Variants in RTCB observed in about 807,000 individuals in gnomAD.
The protein encoded by RTCB is RNA-splicing ligase RTCB.
A neutral mutation model predicts 58.2 loss-of-function variants in RTCB; 32 were observed. The ratio of observed to expected loss-of-function variants is 0.55; its 90% confidence interval spans 0.41 to 0.74. RTCB has a LOEUF of 0.74. Among genes scored for constraint, RTCB ranks in the 30% least tolerant of loss-of-function variants. The probability of loss-of-function intolerance (pLI) is 0.00; values close to 1 mark genes in which losing one functional copy is unlikely to be tolerated. For missense variants in RTCB, 523 were observed against 639.0 expected, an observed-to-expected ratio of 0.82 and a Z score of 1.96; for synonymous variants, 247 against 218.6, an observed-to-expected ratio of 1.13 and a Z score of -1.15.
chr22:32,410,704 G>A (rs574024829), intron 1 of RTCB, among the ~76,000 whole-genome samples: 6 of 146,560 alleles, frequency 4.1e-5, no homozygotes, highest in African/African-American at 1.5e-4. Flanking sequence ...TCATGTCATG[G>A]TGTTTTCTTT....
intron 6 of RTCB, 136 bp from the exon 7 acceptor site, chr22:32,398,236 T>A (rs1933278141): frequency 1.1e-6 from 1 of 951,918 alleles, no homozygotes; most frequent in Admixed American, 2.7e-5. Context: ...AAAAAATTCC[T>A]AAGCTATAGA....
intron 7 of RTCB, among the ~76,000 whole-genome samples, chr22:32,396,621 C>A (rs1191826445): frequency 1.3e-5 from 2 of 152,198 alleles, no homozygotes; most frequent in East Asian, 1.9e-4. Flanking sequence ...AAATCCATGA[C>A]AAAATGCAGA....
rs112751629 is a variant in RTCB, at chr22:32,387,628, C to T, written c.*364G>A. ...ACAGAACTTTCTTCATGACACCTCTCGGAATGTAAACAGAGCTTGGTGTGA... is the reference window on the plus strand; with the variant it reads ...ACAGAACTTTCTTCATGACACCTCTTGGAATGTAAACAGAGCTTGGTGTGA... On this transcript the variant is annotated 3_prime_UTR_variant, in exon 12 of 12. Transcript: ENST00000216038. The T allele has an allele frequency of 5.8e-4, 118 of 204,826 alleles. No homozygotes were observed. Among genetic ancestry groups the T allele is most frequent in the African/African-American group, 2.2e-3 (95 of 43,964 alleles). 12.7% of individuals were successfully genotyped at this position (204,826 alleles called of 1,614,324 possible).
At chr22:32,408,622 C>T (rs1933467598) in intron 2 of RTCB, 133 bp downstream of exon 2, 5 of 688,136 alleles carry the variant, frequency 7.3e-6, no homozygotes, top group South Asian at 1.8e-5. Context: ...TAAGTAAGTG[C>T]TTTTGGTCTT....
At chr22:32,410,678 T>C (rs530861108) in intron 1 of RTCB, among the ~76,000 whole-genome samples, 47 of 152,102 alleles carry the variant, frequency 3.1e-4, no homozygotes, top group African/African-American at 1.1e-3. Context: ...TCTGTGTTAT[T>C]AGATCCTACA....
In RTCB at chr22:32,408,951, C is replaced by T. The variant is rs9621437; in HGVS notation, c.94-118G>A. 5,784 of 726,842 alleles carry T rather than the reference C, an allele frequency of 8.0e-3. 161 individuals are homozygous for T. Among genetic ancestry groups the T allele is most frequent in the African/African-American group, 0.075 (4,245 of 56,842 alleles). 45.0% of individuals were successfully genotyped at this position (726,842 alleles called of 1,614,324 possible). A position where few individuals can be genotyped will look rare whatever the true frequency, so the allele number is the denominator to read the frequency against. ...CTTTACTCTTTACCAAACACTTTCACGTTACCTTAAGCACACAGAAAACTT... is the reference window on the plus strand; with the variant it reads ...CTTTACTCTTTACCAAACACTTTCATGTTACCTTAAGCACACAGAAAACTT... On this transcript the variant is annotated intron_variant, in intron 1 of 11. Transcript: ENST00000216038.
At chr22:32,408,109 T>C (rs1601431856) in intron 3 of RTCB, 66 bp downstream of exon 3, 3 of 1,380,006 alleles carry the variant, frequency 2.2e-6, no homozygotes, top group South Asian at 1.2e-5. Flanking sequence ...CTATCAGGCA[T>C]GGCCATTCAT....
At chr22:32,397,905 T>C in intron 7 of RTCB, 36 bp downstream of exon 7, 1 of 1,572,960 alleles carries the variant, frequency 6.4e-7, no homozygotes, top group South Asian at 1.2e-5. Flanking sequence ...TGGTTGCCCA[T>C]AAAATGTACA....
intron 10 of RTCB, 180 bp from the exon 11 acceptor site, chr22:32,392,539 G>C: frequency 1.2e-6 from 1 of 827,118 alleles, no homozygotes; most frequent in Non-Finnish European, 2.0e-6. Flanking sequence ...TTCTTTGTTG[G>C]GAGGCTGTCC....
chr22:32,401,686 A>G, intron 5 of RTCB, 61 bp downstream of exon 5: 1 of 1,556,666 alleles, frequency 6.4e-7, no homozygotes, highest in Non-Finnish European at 8.8e-7. Flanking sequence ...CTGGAAAGGA[A>G]GCTGAAGGTC....
chr22:32,398,304 T>C (rs1933279128), intron 6 of RTCB, among the ~76,000 whole-genome samples: 1 of 152,218 alleles, frequency 6.6e-6, no homozygotes, highest in Admixed American at 6.5e-5. Context: ...TCCTGAATTT[T>C]GTTATATCAT....
At chr22:32,409,574 T>C (rs1933484825) in intron 1 of RTCB, among the ~76,000 whole-genome samples, 1 of 152,220 alleles carries the variant, frequency 6.6e-6, no homozygotes, top group Non-Finnish European at 1.5e-5. Flanking sequence ...ATTTAACACT[T>C]AATCAATTGA....
chr22:32,408,181 A>G lies in RTCB; in HGVS notation c.234T>C (p.Ile78=). The change falls in exon 3 of 12, where the codon ATT becomes ATC. Residue 78 remains isoleucine (I), a synonymous_variant. Transcript: ENST00000216038. Reference sequence around the variant, plus strand: ...GTTCTGAACTCTGACTCACATGAACAATTCCAGGCAGGGCTGCCACATTGC... The same window carrying G: ...GTTCTGAACTCTGACTCACATGAACGATTCCAGGCAGGGCTGCCACATTGC... ...QIGNVAALPG[I]VHRSIGLPDV... is the part of the protein sequence containing the mutation. The G allele has an allele frequency of 1.2e-6, 2 of 1,614,110 alleles. No homozygotes were observed. Among genetic ancestry groups the G allele is most frequent in the Non-Finnish European group, 1.7e-6 (2 of 1,179,924 alleles).
chr22:32,389,258 T>C (rs958403359), intron 11 of RTCB, among the ~76,000 whole-genome samples: 2 of 152,220 alleles, frequency 1.3e-5, no homozygotes, highest in Non-Finnish European at 2.9e-5. Flanking sequence ...GAATATTTCA[T>C]ACCTTTTCTC....
At chr22:32,408,720 C>A (rs1933469729) in intron 2 of RTCB, 35 bp downstream of exon 2, 26 of 1,478,264 alleles carry the variant, frequency 1.8e-5, no homozygotes, top group Non-Finnish European at 2.5e-5. Flanking sequence ...GAAGGCACTA[C>A]CGTACTAACA....
chr22:32,395,289 T>C (rs908074975), intron 8 of RTCB, 75 bp from the exon 9 acceptor site: 1 of 1,270,228 alleles, frequency 7.9e-7, no homozygotes, highest in Non-Finnish European at 1.1e-6. Flanking sequence ...CTCATCTCAC[T>C]GGTTTCAGGT....
rs530213319 is a variant in RTCB, at chr22:32,387,691, C to T, written c.*301G>A. ...TGATGGCTAAAGATCAGTATGACTGCGTAAGGCAGTTTGACATCTACCCAT... is the reference window on the plus strand; with the variant it reads ...TGATGGCTAAAGATCAGTATGACTGTGTAAGGCAGTTTGACATCTACCCAT... On this transcript the variant is annotated 3_prime_UTR_variant, in exon 12 of 12. Transcript: ENST00000216038. 3.6e-5 allele frequency: 11 copies of T among 308,182 alleles called. No homozygotes were observed. Among genetic ancestry groups the T allele is most frequent in the African/African-American group, 1.0e-4 (5 of 47,882 alleles). 19.1% of individuals were successfully genotyped at this position (308,182 alleles called of 1,614,324 possible). A position where few individuals can be genotyped will look rare whatever the true frequency, so the allele number is the denominator to read the frequency against.
In RTCB at chr22:32,412,222, T is replaced by G; in HGVS notation, c.-66A>C. 1 of 1,355,056 alleles carries G rather than the reference T, an allele frequency of 7.4e-7. No homozygotes were observed. Among genetic ancestry groups the G allele is most frequent in the African/African-American group, 1.5e-5 (1 of 68,544 alleles). The allele number at this position is 1,355,056 out of a possible 1,614,324, so 83.9% of individuals were successfully genotyped here. On this transcript the variant is annotated 5_prime_UTR_variant, in exon 1 of 12. Coordinates refer to ENST00000216038, the MANE Select transcript of RTCB (RefSeq NM_014306.5). Reference sequence around the variant, plus strand: ...AAGAGCCGCTGCCGCGTAGTCCGGCTTCTCAGAGCACCGCCTTCCAAGAAC... The same window carrying G: ...AAGAGCCGCTGCCGCGTAGTCCGGCGTCTCAGAGCACCGCCTTCCAAGAAC...
At chr22:32,392,598 C>T (rs755136748) in intron 10 of RTCB, 11 of 649,650 alleles carry the variant, frequency 1.7e-5, no homozygotes, top group East Asian at 3.0e-5. Context: ...CAGCATCCCT[C>T]GCCTCTAAGA....
Sources: allele counts gnomAD v4.1 joint callset (sites outside exome capture counted in the v4.1 genomes callset), GRCh38; gene constraint gnomAD v4.1.1; transcripts MANE v1.5; gene names NCBI Gene and HGNC (gene_info 2026-07-23, HGNC 2026-07-21).